CMYA5: variants seen among roughly 807,000 people sequenced by gnomAD.
CMYA5 encodes the protein cardiomyopathy associated 5.
Under a neutral mutation model 318.9 loss-of-function variants are expected in CMYA5, and 246 were observed. The ratio of observed to expected loss-of-function variants is 0.77; its 90% CI spans 0.70 to 0.86. CMYA5 has a LOEUF of 0.86. CMYA5 is among the 40% of genes least tolerant of loss of function. The pLI, the probability that CMYA5 is intolerant of heterozygous loss-of-function variation, is 0.00. For synonymous variants in CMYA5, 1,641 were observed against 1,729.5 expected (o/e 0.95, Z 1.27); for missense variants, 4,589 against 4,678.2 (o/e 0.98, Z 0.56).
chr5:79,796,841 A>G (rs181258371), intron 12 of CMYA5, among the ~76,000 whole-genome samples: 113 of 124,904 alleles, frequency 9.0e-4, no homozygotes, highest in Non-Finnish European at 1.6e-3. Context: ...TTACATTTAA[A>G]TAAACATGTC....
chr5:79,778,403 C>T (rs1480327256), intron 9 of CMYA5, among the ~76,000 whole-genome samples: 1 of 152,128 alleles, frequency 6.6e-6, no homozygotes, highest in Non-Finnish European at 1.5e-5. Context: ...GTGCTTAGTT[C>T]TTTATACCCT....
chr5:79,701,090 C>CA (rs1554097982), intron 1 of CMYA5, among the ~76,000 whole-genome samples: 19,639 of 114,894 alleles, frequency 0.17, 1,508 homozygotes, highest in Non-Finnish European at 0.18. Context: ...ACTAAAAATA[C>CA]AAAAAAAAAA....
intron 7 of CMYA5, among the ~76,000 whole-genome samples, chr5:79,760,629 G>C (rs1040918479): frequency 6.6e-6 from 1 of 152,138 alleles, no homozygotes; most frequent in East Asian, 1.9e-4. Flanking sequence ...GATCTCTTGA[G>C]AACTCATTTA....
intron 9 of CMYA5, among the ~76,000 whole-genome samples, chr5:79,787,707 G>T (rs1561230659): frequency 6.6e-6 from 1 of 152,130 alleles, no homozygotes; most frequent in East Asian, 1.9e-4. Flanking sequence ...GCAGGTCCAG[G>T]GTGTCCCCTT....
chr5:79,719,599 T>A (rs1252845685), intron 1 of CMYA5, among the ~76,000 whole-genome samples: 1 of 152,220 alleles, frequency 6.6e-6, no homozygotes, highest in East Asian at 1.9e-4. Flanking sequence ...GCAAATGTAT[T>A]AAAGCTCCAT....
chr5:79,714,249 C>T (rs1427967010), intron 1 of CMYA5, among the ~76,000 whole-genome samples: 3 of 152,036 alleles, frequency 2.0e-5, no homozygotes, highest in African/African-American at 7.2e-5. Context: ...TTCTAACCAC[C>T]TGCATCCTGG....
intron 10 of CMYA5, among the ~76,000 whole-genome samples, chr5:79,790,280 T>G (rs1475312734): frequency 6.6e-6 from 1 of 152,002 alleles, no homozygotes; most frequent in Non-Finnish European, 1.5e-5. Context: ...CCCCATTTTT[T>G]TTTTTCTCGA....
chr5:79,799,317 C>G, intron 12 of CMYA5, 53 bp from the exon 13 acceptor site: 1 of 1,543,770 alleles, frequency 6.5e-7, no homozygotes, highest in East Asian at 2.3e-5. Context: ...CTTTCCTTTT[C>G]AAATTCCTTG....
chr5:79,778,740 T>C (rs1291108582), intron 9 of CMYA5, among the ~76,000 whole-genome samples: 1 of 150,876 alleles, frequency 6.6e-6, no homozygotes, highest in African/African-American at 2.4e-5. Flanking sequence ...ATCAATCTCT[T>C]TTGAAAATAG....
In CMYA5 at chr5:79,733,211, T is replaced by C; in HGVS notation, c.4446T>C (p.His1482=). ...LPVIKTSSSQ[H]SDKSEEARVE... ...TAATCAAAACATCATCTTCTCAGCA[T>C]TCAGATAAATCTGAGGAAGCAAGGG... The change falls in exon 2 of 13, where the codon CAT becomes CAC. Residue 1482 remains histidine, a synonymous_variant. Transcript: ENST00000446378. 2.5e-6 allele frequency: 4 copies of C among 1,613,630 alleles called. No individual in the cohort carries two copies. The highest frequency in any genetic ancestry group is 3.4e-6 in the Non-Finnish European group (4 of 1,179,708).
chr5:79,762,702 C>T (rs1828675845), intron 8 of CMYA5: 2 of 180,902 alleles, frequency 1.1e-5, no homozygotes, highest in African/African-American at 4.7e-5. Flanking sequence ...TTAAAACAAG[C>T]CTTTATTGAG....
chr5:79,727,837 C>T (rs1047291829), intron 1 of CMYA5, among the ~76,000 whole-genome samples: 6 of 152,102 alleles, frequency 3.9e-5, no homozygotes, highest in Admixed American at 1.3e-4. Context: ...AATGAAGGAG[C>T]GGCCAAAGCC....
At chr5:79,747,243 T>A in intron 5 of CMYA5, 130 bp downstream of exon 5, 1 of 759,580 alleles carries the variant, frequency 1.3e-6, no homozygotes, top group Non-Finnish European at 2.0e-6. Context: ...TATTTTCACT[T>A]TTAGACACAG....
intron 9 of CMYA5, among the ~76,000 whole-genome samples, chr5:79,787,526 A>T (rs1471624342): frequency 6.6e-6 from 1 of 152,248 alleles, no homozygotes. Context: ...AAGCCTAATT[A>T]GTTGTCAGTG....
chr5:79,734,901 A>C lies in CMYA5; in HGVS notation c.6136A>C (p.Arg2046=). The stretch of plus-strand genomic sequence containing the variant: ...GGAAAAAATTAAACTACCTCCTGAA[A>C]GATTCTTCCAGAAACCAGTGTCTGG... ...SQEKIKLPPE[R]FFQKPVSGLS... Residue 2046 remains arginine, a synonymous_variant, in exon 2 of 13, where the codon AGA becomes CGA. Coordinates refer to ENST00000446378, the MANE Select transcript of CMYA5 (RefSeq NM_153610.5). 6.2e-7 allele frequency: 1 copy of C among 1,613,848 alleles called. No individual in the cohort carries two copies.
At chr5:79,741,736 A>G (rs1466412548) in intron 2 of CMYA5, among the ~76,000 whole-genome samples, 1 of 151,464 alleles carries the variant, frequency 6.6e-6, no homozygotes, top group Non-Finnish European at 1.5e-5. Context: ...TGGTCTTCTT[A>G]ATATGTTTTG....
intron 1 of CMYA5, among the ~76,000 whole-genome samples, chr5:79,722,931 A>G (rs947773734): frequency 2.6e-5 from 4 of 152,184 alleles, no homozygotes; most frequent in Non-Finnish European, 5.9e-5. Flanking sequence ...CTGAAGTCAT[A>G]TAACTATTAA....
intron 5 of CMYA5, among the ~76,000 whole-genome samples, chr5:79,749,771 T>A (rs1828396735): frequency 6.6e-6 from 1 of 152,174 alleles, no homozygotes; most frequent in Non-Finnish European, 1.5e-5. Flanking sequence ...CAGTACTAAA[T>A]CATAACTGCA....
In CMYA5 at chr5:79,738,925, G is replaced by A. The variant is rs201235338; in HGVS notation, c.10160G>A (p.Gly3387Asp). The A allele has an allele frequency of 1.7e-5, 28 of 1,613,908 alleles. No homozygotes were observed. Among genetic ancestry groups the A allele is most frequent in the Non-Finnish European group, 2.4e-5 (28 of 1,179,860 alleles). The stretch of plus-strand genomic sequence containing the variant: ...TTCCCGGAGGAAGAATTTGCATCTG[G>A]TGCAACTCATGTTCAAGAAACATCA... The part of the protein sequence containing the change: ...VSFPEEEFAS[G>D]ATHVQETSLE... The change falls in exon 2 of 13, where the codon GGT becomes GAT. Residue 3387 changes from glycine (G) to aspartate (D), a missense_variant. Physicochemically the swap from Gly to Asp is moderately conservative, Grantham distance 94 (BLOSUM62 -1). Coordinates refer to ENST00000446378, the MANE Select transcript of CMYA5 (RefSeq NM_153610.5).
Sources: gnomAD v4.1 joint callset for allele counts (sites outside exome capture counted in the v4.1 genomes callset) on GRCh38, gnomAD v4.1.1 for gene constraint, MANE v1.5 for transcripts, NCBI Gene and HGNC (gene_info 2026-07-23, HGNC 2026-07-21) for gene names.